Variants in GOLGA6L2 observed in about 807,000 individuals in gnomAD.
GOLGA6L2 encodes golgin A6 family like 2, also known as golgin subfamily A member 6-like protein 2.
In GOLGA6L2, 30 loss-of-function variants were observed where a neutral mutation model predicts 35.9. The ratio of observed to expected loss-of-function variants is 0.83; its 90% confidence interval spans 0.62 to 1.13. The LOEUF is 1.13. Among genes scored for constraint, GOLGA6L2 ranks in the 50% most tolerant of loss-of-function variants. The pLI is 0.00. For missense variants in GOLGA6L2, 821 were observed against 973.4 expected, an observed-to-expected ratio of 0.84 and a Z score of 2.08; for synonymous variants, 297 against 344.0, an observed-to-expected ratio of 0.86 and a Z score of 1.51.
In GOLGA6L2 at chr15:23,441,427, T is replaced by A. The variant is rs1030286554; in HGVS notation, c.1048A>T (p.Met350Leu). 7.0e-6 allele frequency: 10 copies of A among 1,430,290 alleles called. No individual in the cohort carries two copies. The African/African-American group carries it at 1.1e-4, about 16-fold the overall frequency. The allele number at this position is 1,430,290 out of a possible 1,614,324, so 88.6% of individuals were successfully genotyped here. Residue 350 changes from methionine to leucine, a missense_variant, in exon 8 of 8, where the codon ATG becomes TTG. Met to Leu is a conservative substitution (Grantham distance 15). Coordinates refer to ENST00000567107, the MANE Select transcript of GOLGA6L2 (RefSeq NM_001304388.2). ...CACATCTTCTCCTCCTGCTCCTGCA[T>A]CTGCTCCTCCTGCTCCCGCAGCTTC... is the stretch of plus-strand genomic sequence containing the variant. Reference protein sequence around the residue: ...QKKLREQEEQMQEQEEKMWEQ... With the variant: ...QKKLREQEEQLQEQEEKMWEQ...
In GOLGA6L2 at chr15:23,440,706, CCTT is replaced by C. The variant is rs755461658; in HGVS notation, c.1766_1768del (p.Glu589del). The stretch of plus-strand genomic sequence containing the variant: ...TTCTTCTGCTCCCGCATTCTCTCCT[CCTT>C]CTCCCGCAGCCTCTCGTCCTGCTCC... On this transcript the variant is annotated inframe_deletion, in exon 8 of 8. Coordinates refer to ENST00000567107, the MANE Select transcript of GOLGA6L2 (RefSeq NM_001304388.2). 4.7e-6 allele frequency: 7 copies of C among 1,495,814 alleles called. No homozygotes were observed. The South Asian group carries it at 8.6e-5, about 18-fold the overall frequency. The allele number at this position is 1,495,814 out of a possible 1,614,324, so 92.7% of individuals were successfully genotyped here. A position where few individuals can be genotyped will look rare whatever the true frequency, so the allele number is the denominator to read the frequency against.
intron 1 of GOLGA6L2, among the ~76,000 whole-genome samples, chr15:23,446,688 G>A (rs1440071952): frequency 6.6e-5 from 10 of 151,800 alleles, no homozygotes; most frequent in African/African-American, 2.2e-4. Context: ...TTGGGGCGAC[G>A]GGAGGTGAGG....
chr15:23,442,402 C>T, intron 6 of GOLGA6L2, 48 bp downstream of exon 6: 2 of 1,554,962 alleles, frequency 1.3e-6, no homozygotes, highest in Non-Finnish European at 1.7e-6. Context: ...AGCACACCAC[C>T]CACGCTAAGG....
At position 23,445,106 on chromosome 15, in the gene GOLGA6L2, C is replaced by A. The variant is rs536731935; in HGVS notation, c.213+204G>T. On this transcript the variant is annotated intron_variant, in intron 2 of 7. Coordinates refer to ENST00000567107, the MANE Select transcript of GOLGA6L2 (RefSeq NM_001304388.2). ...CATGTAAGTAAAACATTACCATCCCCATTTTACAGATGTGAAAAGAGAGGC... is the reference window on the plus strand; with the variant it reads ...CATGTAAGTAAAACATTACCATCCCAATTTTACAGATGTGAAAAGAGAGGC... Among the ~76,000 whole-genome samples the A allele has an allele frequency of 3.7e-4, 25 of 67,448 alleles. 4 individuals are homozygous for A. Among genetic ancestry groups the A allele is most frequent in the Admixed American group, 1.2e-3 (6 of 4,832 alleles). The allele number at this position is 67,448 out of a possible 152,430, so 44.2% of individuals were successfully genotyped here.
rs1043133213 is a variant in GOLGA6L2, at chr15:23,443,680, T to C, written c.591+97A>G. 8 of 992,694 alleles carry C rather than the reference T, an allele frequency of 8.1e-6. No individual in the cohort carries two copies. In the African/African-American group the frequency reaches 1.3e-4, roughly 16 times the overall value. 61.5% of individuals were successfully genotyped at this position (992,694 alleles called of 1,614,324 possible). On this transcript the variant is annotated intron_variant, in intron 5 of 7. Transcript: ENST00000567107. The stretch of plus-strand genomic sequence containing the variant: ...GCAAGAAATGACCCATACTATCTTC[T>C]GGGCAGGACACTGCATCCTGCAGGA...
rs925307055 is a variant in GOLGA6L2, at chr15:23,439,452, T to C, written c.*293A>G. The C allele has an allele frequency of 8.7e-5, 58 of 670,164 alleles. No homozygotes were observed. Among genetic ancestry groups the C allele is most frequent in the East Asian group, 6.0e-4 (15 of 24,864 alleles). The allele number at this position is 670,164 out of a possible 1,614,324, so 41.5% of individuals were successfully genotyped here. On this transcript the variant is annotated 3_prime_UTR_variant, in exon 8 of 8. Coordinates refer to ENST00000567107, the MANE Select transcript of GOLGA6L2 (RefSeq NM_001304388.2). Reference sequence around the variant, plus strand: ...TTTAAAGTAAATTTTCTTTTCTTTTTTTTTTTTTTTTTCAAGTTTGTGCTC... The same window carrying C: ...TTTAAAGTAAATTTTCTTTTCTTTTCTTTTTTTTTTTTCAAGTTTGTGCTC...
chr15:23,443,734 C>T (rs757058299), intron 5 of GOLGA6L2, 43 bp downstream of exon 5: 18 of 1,458,554 alleles, frequency 1.2e-5, no homozygotes, highest in Middle Eastern at 1.7e-4. Context: ...CCTCCATCTG[C>T]GAAGCTGGGA....
In GOLGA6L2 at chr15:23,441,640, C is replaced by T. The variant is rs1397126151; in HGVS notation, c.835G>A (p.Glu279Lys). 1.3e-6 allele frequency: 2 copies of T among 1,541,314 alleles called. No homozygotes were observed. The highest frequency in any genetic ancestry group is 1.2e-5 in the South Asian group (1 of 82,352). ...TLQEEMWRQE[E>K]ELREQEKKIR... ...TTCTTTTCCTGCTCCCGTAGCTCCT[C>T]CTCCTGCCTCCACATCTCCTCCTGC... Residue 279 changes from glutamate (E) to lysine (K), a missense_variant, in exon 8 of 8, where the codon GAG becomes AAG. Transcript: ENST00000567107.
At position 23,441,066 on chromosome 15, in the gene GOLGA6L2, T is replaced by C; in HGVS notation, c.1409A>G (p.Glu470Gly). 1 of 1,534,374 alleles carries C rather than the reference T, an allele frequency of 6.5e-7. No homozygotes were observed. Reference sequence around the variant, plus strand: ...CTCCTCCTGCTTCTGCATCTTCTCCTCCTGCTCCCGCATCGTCTCCTCCTC... The same window carrying C: ...CTCCTCCTGCTTCTGCATCTTCTCCCCCTGCTCCCGCATCGTCTCCTCCTC... ...REEEETMREQ[E>G]EKMQKQEENM... Residue 470 changes from glutamate to glycine, a missense_variant, in exon 8 of 8, where the codon GAG becomes GGG. Coordinates refer to ENST00000567107, the MANE Select transcript of GOLGA6L2 (RefSeq NM_001304388.2).
chr15:23,444,643 T>G, intron 2 of GOLGA6L2, 143 bp from the exon 3 acceptor site: 1 of 712,930 alleles, frequency 1.4e-6, no homozygotes, highest in Non-Finnish European at 2.4e-6. Context: ...TGGTAAACTC[T>G]CAACTCCCAA....
intron 3 of GOLGA6L2, 128 bp from the exon 4 acceptor site, chr15:23,444,340 G>C: frequency 6.8e-7 from 1 of 1,471,472 alleles, no homozygotes; most frequent in South Asian, 1.2e-5. Context: ...CAGGGACCCT[G>C]TGGGGATGGG....
chr15:23,439,153 C>CTT lies in GOLGA6L2; in HGVS notation c.*590_*591dup, dbSNP rs3038535. ...AGATATCAGAGTCCTCAGGTAGAAA[C>CTT]TTTTTTTTTTTTTTTGAGATGGAAT... On this transcript the variant is annotated 3_prime_UTR_variant, in exon 8 of 8. Transcript: ENST00000567107. 0.014 allele frequency among the ~76,000 whole-genome samples: 1,975 copies of CTT among 138,702 alleles called. 66 individuals are homozygous for CTT. Among genetic ancestry groups the CTT allele is most frequent in the African/African-American group, 0.049 (1,863 of 37,662 alleles). 91.0% of individuals were successfully genotyped at this position (138,702 alleles called of 152,430 possible).
intron 1 of GOLGA6L2, among the ~76,000 whole-genome samples, chr15:23,446,863 G>C (rs372017938): frequency 6.6e-6 from 1 of 152,180 alleles, no homozygotes; most frequent in African/African-American, 2.4e-5. Flanking sequence ...GTACGGAGTG[G>C]AGAGCCCCAG....
At chr15:23,441,913 A>C (rs1371136482) in intron 7 of GOLGA6L2, 66 bp downstream of exon 7, 1 of 1,510,554 alleles carries the variant, frequency 6.6e-7, no homozygotes, top group African/African-American at 1.4e-5. Context: ...CATACCTTGC[A>C]TGATCCCTAG....
In GOLGA6L2 at chr15:23,439,395, G is replaced by A. The variant is rs992209366; in HGVS notation, c.*350C>T. 11 of 404,498 alleles carry A rather than the reference G, an allele frequency of 2.7e-5. No homozygotes were observed. The highest frequency in any genetic ancestry group is 1.4e-4 in the African/African-American group (7 of 48,340). The allele number at this position is 404,498 out of a possible 1,614,324, so 25.1% of individuals were successfully genotyped here. A position where few individuals can be genotyped will look rare whatever the true frequency, so the allele number is the denominator to read the frequency against. Reference sequence around the variant, plus strand: ...CCAAAGTGCTGCGGTTGTAGGTTTCGGCCACAAGGCCTGGCTAGTATTTTA... The same window carrying A: ...CCAAAGTGCTGCGGTTGTAGGTTTCAGCCACAAGGCCTGGCTAGTATTTTA... On this transcript the variant is annotated 3_prime_UTR_variant, in exon 8 of 8. Transcript: ENST00000567107.
chr15:23,440,700 TCTC>T lies in GOLGA6L2; in HGVS notation c.1772_1774del (p.Gly591del), dbSNP rs751029990. The T allele has an allele frequency of 1.5e-5, 22 of 1,487,404 alleles. No homozygotes were observed. Among genetic ancestry groups the T allele is most frequent in the Admixed American group, 1.0e-4 (5 of 48,176 alleles). 92.1% of individuals were successfully genotyped at this position (1,487,404 alleles called of 1,614,324 possible). ...CACATCTTCTTCTGCTCCCGCATTCTCTCCTCCTTCTCCCGCAGCCTCTCGTCC... is the reference window on the plus strand; with the variant it reads ...CACATCTTCTTCTGCTCCCGCATTCTCTCCTTCTCCCGCAGCCTCTCGTCC... On this transcript the variant is annotated inframe_deletion, in exon 8 of 8. Coordinates refer to ENST00000567107, the MANE Select transcript of GOLGA6L2 (RefSeq NM_001304388.2).
At position 23,440,581 on chromosome 15, in the gene GOLGA6L2, C is replaced by T. The variant is rs376316505; in HGVS notation, c.1894G>A (p.Asp632Asn). The change falls in exon 8 of 8, where the codon GAT becomes AAT. Residue 632 changes from aspartate (D) to asparagine (N), a missense_variant. Asp to Asn is a conservative substitution (Grantham distance 23). Coordinates refer to ENST00000567107, the MANE Select transcript of GOLGA6L2 (RefSeq NM_001304388.2). The stretch of plus-strand genomic sequence containing the variant: ...GCATCTTCTTCTCCCGCTCCCGCAT[C>T]CTCTCCTCCTCTCGCATCTTCTCCT... ...PGGEDARGGE[D>N]AGAGEEDAGG... is the part of the protein sequence containing the mutation. 2.6e-6 allele frequency: 3 copies of T among 1,159,910 alleles called. No homozygotes were observed. Among genetic ancestry groups the T allele is most frequent in the Non-Finnish European group, 2.5e-6 (2 of 799,690 alleles). The allele number at this position is 1,159,910 out of a possible 1,614,324, so 71.9% of individuals were successfully genotyped here.
chr15:23,443,914 A>T lies in GOLGA6L2; in HGVS notation c.454T>A (p.Leu152Met), dbSNP rs1166082095. The change falls in exon 5 of 8, where the codon TTG becomes ATG. Residue 152 changes from leucine to methionine, a missense_variant. Leu to Met is a conservative substitution (Grantham distance 15). Transcript: ENST00000567107. The stretch of plus-strand genomic sequence containing the variant: ...ATGAGAGAGGTTGAGACACAGCCCA[A>T]AGGACTCCCCCTAAAGGCCTGTGAA... ...ALSQAFRGSPLGCVSTSLIPG... is the reference protein window; with the variant it reads ...ALSQAFRGSPMGCVSTSLIPG... 1.9e-6 allele frequency: 3 copies of T among 1,548,454 alleles called. No homozygotes were observed. In the Admixed American group the frequency reaches 5.7e-5, roughly 30 times the overall value.
In GOLGA6L2 at chr15:23,444,169, TC is replaced by T; in HGVS notation, c.286del (p.Glu96ArgfsTer2). 1 of 1,604,378 alleles carries T rather than the reference TC, an allele frequency of 6.2e-7. No homozygotes were observed. ...TTCACACCCTCCACTCACCTCTATCTCCCGCCTTAGGGCTTCCTGATGTTGG... is the reference window on the plus strand; with the variant it reads ...TTCACACCCTCCACTCACCTCTATCTCCGCCTTAGGGCTTCCTGATGTTGG... ...SHQHQEALRR[E>X]IEAQDHTIRI... On this transcript the variant is annotated frameshift_variant, in exon 4 of 8. Coordinates refer to ENST00000567107, the MANE Select transcript of GOLGA6L2 (RefSeq NM_001304388.2). LOFTEE classifies it high-confidence loss of function.
Sources: gnomAD v4.1 joint callset for allele counts (sites outside exome capture counted in the v4.1 genomes callset) on GRCh38, gnomAD v4.1.1 for gene constraint, MANE v1.5 for transcripts, NCBI Gene and HGNC (gene_info 2026-07-23, HGNC 2026-07-21) for gene names.